The following SETDB2 variants were observed in gnomAD, a reference collection of about 807,000 sequenced individuals.
SETDB2 encodes the protein SET domain bifurcated histone lysine methyltransferase 2.
In SETDB2, 56 loss-of-function variants were observed where a neutral mutation model predicts 82.5. That is an observed-to-expected ratio of 0.68 (90% CI 0.55 to 0.85). The LOEUF is 0.85. Among genes scored for constraint, SETDB2 ranks in the 40% least tolerant of loss-of-function variants. The probability of loss-of-function intolerance (pLI) is 0.00; values close to 1 mark genes in which losing one functional copy is unlikely to be tolerated. For synonymous variants in SETDB2, 272 were observed against 284.9 expected, an observed-to-expected ratio of 0.95 and a Z score of 0.46; for missense variants, 677 against 816.4, an observed-to-expected ratio of 0.83 and a Z score of 2.08.
chr13:49,452,267 A>G (rs1957801247), intron 2 of SETDB2, among the ~76,000 whole-genome samples: 1 of 152,074 alleles, frequency 6.6e-6, no homozygotes, highest in Admixed American at 6.5e-5. Flanking sequence ...ATGTGCCACC[A>G]TGCCCAGCTA....
chr13:49,484,970 G>T (rs1958566209), intron 10 of SETDB2, among the ~76,000 whole-genome samples: 2 of 152,186 alleles, frequency 1.3e-5, no homozygotes, highest in African/African-American at 4.8e-5. Flanking sequence ...CTGTAAAAAG[G>T]TAATAGTATA....
At chr13:49,453,252 A>G (rs1456206158) in intron 2 of SETDB2, among the ~76,000 whole-genome samples, 1 of 151,084 alleles carries the variant, frequency 6.6e-6, no homozygotes, top group African/African-American at 2.4e-5. Context: ...TTGTTTTTCA[A>G]ATTGTCCCGG....
intron 6 of SETDB2, among the ~76,000 whole-genome samples, chr13:49,480,018 G>A (rs1958446728): frequency 6.6e-6 from 1 of 152,186 alleles, no homozygotes; most frequent in Non-Finnish European, 1.5e-5. Context: ...TTGCAGTGCA[G>A]TTTATAATTA....
At chr13:49,466,538 C>G (rs1958118029) in intron 4 of SETDB2, among the ~76,000 whole-genome samples, 1 of 152,070 alleles carries the variant, frequency 6.6e-6, no homozygotes, top group South Asian at 2.1e-4. Context: ...AATCATGTTA[C>G]ATGAGTCCTC....
intron 8 of SETDB2, among the ~76,000 whole-genome samples, chr13:49,481,435 G>A (rs1001419826): frequency 1.2e-4 from 18 of 149,486 alleles, no homozygotes; most frequent in Non-Finnish European, 2.2e-4. Context: ...CTTGTTAAAA[G>A]TAAAAAAAAA....
At chr13:49,450,940 T>G (rs1957773728) in intron 1 of SETDB2, among the ~76,000 whole-genome samples, 1 of 147,140 alleles carries the variant, frequency 6.8e-6, no homozygotes, top group African/African-American at 2.5e-5. Flanking sequence ...TATAGAGGTT[T>G]ATATTATTAA....
At chr13:49,445,964 G>C (rs1295619276) in intron 1 of SETDB2, 7 of 165,410 alleles carry the variant, frequency 4.2e-5, no homozygotes. Flanking sequence ...CTATGGCCGT[G>C]CGCGGTGGGT....
chr13:49,475,669 G>C (rs549458490), intron 5 of SETDB2, among the ~76,000 whole-genome samples: 30 of 151,844 alleles, frequency 2.0e-4, no homozygotes, highest in Admixed American at 3.9e-4. Context: ...TTTACTTTTT[G>C]TAGGGATGAG....
At chr13:49,453,070 C>T (rs1358657391) in intron 2 of SETDB2, among the ~76,000 whole-genome samples, 2 of 152,100 alleles carry the variant, frequency 1.3e-5, no homozygotes, top group African/African-American at 4.8e-5. Flanking sequence ...TGCTCCCCCT[C>T]CTTAAATGTG....
rs1432931973 is a variant in SETDB2 at position 49,460,095 on chromosome 13, TTTTTA to T, written c.17-6_17-2del. 1.2e-6 allele frequency: 2 copies of T among 1,607,454 alleles called. No homozygotes were observed. Among genetic ancestry groups the T allele is most frequent in the African/African-American group, 2.7e-5 (2 of 74,426 alleles). On this transcript the variant is annotated splice_region_variant and splice_polypyrimidine_tract_variant and intron_variant, in intron 2 of 13. Coordinates refer to ENST00000611815, the MANE Select transcript of SETDB2 (RefSeq NM_001160308.3). ...TATTAGCTCTTAGGCTAGTCACTTATTTTTATTTTAGGCGATGCAAAAACTTTCTG... is the reference window on the plus strand; with the variant it reads ...TATTAGCTCTTAGGCTAGTCACTTATTTTTAGGCGATGCAAAAACTTTCTG...
At chr13:49,462,759 T>C (rs1338139446) in intron 4 of SETDB2, among the ~76,000 whole-genome samples, 1 of 152,238 alleles carries the variant, frequency 6.6e-6, no homozygotes, top group East Asian at 1.9e-4. Flanking sequence ...TCTGAAAATA[T>C]AGTCTAGCAT....
intron 2 of SETDB2, among the ~76,000 whole-genome samples, chr13:49,458,342 T>G (rs1169444715): frequency 2.0e-5 from 3 of 152,198 alleles, no homozygotes; most frequent in Non-Finnish European, 1.5e-5. Context: ...CCTAAAGTGC[T>G]GGGATTACAG....
In SETDB2 at chr13:49,476,738, G is replaced by A. The variant is rs143146165; in HGVS notation, c.568G>A (p.Val190Met). The change falls in exon 6 of 14, where the codon GTG (valine) becomes ATG (methionine). Residue 190 changes from valine to methionine, a missense_variant. Physicochemically the swap from Val to Met is conservative, Grantham distance 21 (BLOSUM62 1). This residue lies in a region of SETDB2 where 243 missense variants were observed against 237.2 expected (regional missense o/e 1.02). Transcript: ENST00000611815. ...CCCTTGTGGAAGGAGTCTACGAAAC[G>A]TGGAGGAAGTTTTTCGTTACCTGCT... ...KTPCGRSLRNVEEVFRYLLET... is the reference protein window; with the variant it reads ...KTPCGRSLRNMEEVFRYLLET... 2.7e-5 allele frequency: 43 copies of A among 1,614,164 alleles called. No homozygotes were observed. The highest frequency in any genetic ancestry group is 8.3e-5 in the Admixed American group (5 of 60,014).
Position 49,481,028 on chromosome 13 carries a change from G to A in SETDB2, c.1068G>A (p.Arg356=). Residue 356 remains arginine (R), a synonymous_variant, in exon 8 of 14, where the codon AGG becomes AGA. Coordinates refer to ENST00000611815, the MANE Select transcript of SETDB2 (RefSeq NM_001160308.3). ...NRVVQHGPQV[R]LQVFKTEQKG... is the part of the protein sequence containing the mutation. ...TTGTCCAACATGGTCCTCAAGTGAG[G>A]TTACAGGTGTTCAAAACTGAGCAGA... 1.2e-6 allele frequency: 2 copies of A among 1,614,204 alleles called. No individual in the cohort carries two copies. The highest frequency in any genetic ancestry group is 1.7e-6 in the Non-Finnish European group (2 of 1,180,014).
At chr13:49,463,849 G>A (rs970147356) in intron 4 of SETDB2, among the ~76,000 whole-genome samples, 5 of 152,212 alleles carry the variant, frequency 3.3e-5, no homozygotes, top group Non-Finnish European at 7.3e-5. Context: ...GGAGTGCTGG[G>A]AGAGTCCCAG....
intron 6 of SETDB2, among the ~76,000 whole-genome samples, chr13:49,479,380 A>G (rs1235073940): frequency 6.6e-6 from 1 of 152,226 alleles, no homozygotes; most frequent in Non-Finnish European, 1.5e-5. Context: ...ACAAAATCAC[A>G]TGGGAAAGAA....
chr13:49,483,606 TA>T lies in SETDB2; in HGVS notation c.1482+46del, dbSNP rs752608219. 2.2e-5 allele frequency: 15 copies of T among 668,314 alleles called. 1 individual carries two copies. The South Asian group carries it at 2.9e-4, about 13-fold the overall frequency. The allele number at this position is 668,314 out of a possible 1,614,324, so 41.4% of individuals were successfully genotyped here. ...TAGTTGGGACCCTTCTTTTCTTTTT[TA>T]AATTTTTTTTTTTTTTTTTTTTTTT... On this transcript the variant is annotated intron_variant, in intron 10 of 13. Transcript: ENST00000611815.
Position 49,477,059 on chromosome 13 carries a change from G to A in SETDB2, c.869+20G>A, listed in dbSNP as rs117389318. The A allele has an allele frequency of 3.6e-4, 555 of 1,539,130 alleles. 5 individuals are homozygous for A. The East Asian group carries it at 8.4e-3, about 23-fold the overall frequency. The stretch of plus-strand genomic sequence containing the variant: ...AGACATGTGAGTAGAAAAACATGGC[G>A]TTTCAAAAAAATCTTCTGAATGTAA... On this transcript the variant is annotated intron_variant, in intron 6 of 13. Coordinates refer to ENST00000611815, the MANE Select transcript of SETDB2 (RefSeq NM_001160308.3).
intron 4 of SETDB2, among the ~76,000 whole-genome samples, chr13:49,464,798 A>G (rs1294792716): frequency 6.6e-6 from 1 of 152,194 alleles, no homozygotes; most frequent in Non-Finnish European, 1.5e-5. Context: ...ACAGTGGCTC[A>G]GGCCTGTAAT....
Sources: allele counts gnomAD v4.1 joint callset (sites outside exome capture counted in the v4.1 genomes callset), GRCh38; gene constraint gnomAD v4.1.1; regional missense constraint gnomAD v4.1.1; transcripts MANE v1.5; gene names NCBI Gene and HGNC (gene_info 2026-07-23, HGNC 2026-07-21).